SMARCA4: variants seen among roughly 807,000 people sequenced by gnomAD.
SMARCA4 encodes SWI/SNF related BAF chromatin remodeling complex subunit ATPase 4.
SMARCA4 carries 31 observed loss-of-function variants against 193.9 expected under a neutral mutation model. The observed-to-expected ratio is 0.16, with a 90% confidence interval of 0.12 to 0.22. The LOEUF (loss-of-function observed/expected upper bound fraction) is 0.22. Among genes scored for constraint, SMARCA4 ranks in the 10% least tolerant of loss-of-function variants. The probability of loss-of-function intolerance (pLI) is 1.00; values close to 1 mark genes in which losing one functional copy is unlikely to be tolerated. For missense variants in SMARCA4, 1,148 were observed against 2,296.0 expected (o/e 0.50, Z 10.22); for synonymous variants, 942 against 933.1 (o/e 1.01, Z -0.17).
chr19:11,024,523 C>CATCG lies in SMARCA4; in HGVS notation c.3081+86_3081+89dup, dbSNP rs1265634973. On this transcript the variant is annotated intron_variant, in intron 21 of 34. Coordinates refer to ENST00000344626, the MANE Select transcript of SMARCA4 (RefSeq NM_003072.5). The stretch of plus-strand genomic sequence containing the variant: ...CAGGCAGAGCAGAGCGTGCTCTGAC[C>CATCG]ATCGGGTCATGATCTGGTCATGATC... 26 of 843,390 alleles carry CATCG rather than the reference C, an allele frequency of 3.1e-5. No individual in the cohort carries two copies. The East Asian group carries it at 6.6e-4, about 21-fold the overall frequency. 52.2% of individuals were successfully genotyped at this position (843,390 alleles called of 1,614,324 possible). A position where few individuals can be genotyped will look rare whatever the true frequency, so the allele number is the denominator to read the frequency against.
intron 1 of SMARCA4, among the ~76,000 whole-genome samples, chr19:10,972,873 G>A (rs2084792053): frequency 6.6e-6 from 1 of 152,178 alleles, no homozygotes; most frequent in South Asian, 2.1e-4. Flanking sequence ...CACTTTGGGA[G>A]GCCAAAGTGG....
In SMARCA4 at chr19:11,041,408, G is replaced by A. The variant is rs114882905; in HGVS notation, c.4272G>A (p.Pro1424=). 8.3e-4 allele frequency: 1,331 copies of A among 1,612,222 alleles called. 11 individuals carry two copies. In the African/African-American group the frequency reaches 0.016, roughly 19 times the overall value. ...KRDSDAGSST[P]TTSTRSRDKD... is the part of the protein sequence containing the mutation. Reference sequence around the variant, plus strand: ...ACAGCGACGCCGGCTCCTCCACCCCGACCACCAGCACCCGCAGCCGCGACA... The same window carrying A: ...ACAGCGACGCCGGCTCCTCCACCCCAACCACCAGCACCCGCAGCCGCGACA... Residue 1424 remains proline (P), a synonymous_variant, in exon 30 of 35, where the codon CCG becomes CCA. Coordinates refer to ENST00000344626, the MANE Select transcript of SMARCA4 (RefSeq NM_003072.5). This position sits in a 1 kb window ranked among gnomAD's most constrained non-coding sequence, Gnocchi z 5.6.
In SMARCA4 at chr19:11,008,036, G is replaced by T. The variant is rs373148510; in HGVS notation, c.2123+13G>T. ...GGCACATCATTGAGTAAGGGGTCCC[G>T]ACACAGGTTGTTCTGTGCCAGCTTC... On this transcript the variant is annotated intron_variant, in intron 14 of 34. Coordinates refer to ENST00000344626, the MANE Select transcript of SMARCA4 (RefSeq NM_003072.5). 1.9e-6 allele frequency: 3 copies of T among 1,611,004 alleles called. No homozygotes were observed. The highest frequency in any genetic ancestry group is 1.7e-5 in the Admixed American group (1 of 59,760).
At chr19:10,983,746 T>G in intron 1 of SMARCA4, 1 of 250,220 alleles carries the variant, frequency 4.0e-6, no homozygotes, top group Non-Finnish European at 8.0e-6. Flanking sequence ...TCAGAGGCTA[T>G]TTGAGCTATA....
At chr19:11,061,012 A>G (rs2076832270) in intron 34 of SMARCA4, among the ~76,000 whole-genome samples, 1 of 151,812 alleles carries the variant, frequency 6.6e-6, no homozygotes, top group Non-Finnish European at 1.5e-5. Context: ...TTTATGGCCC[A>G]TGCCAGGCTG....
intron 16 of SMARCA4, among the ~76,000 whole-genome samples, chr19:11,013,498 A>G (rs1368522187): frequency 6.6e-6 from 1 of 152,132 alleles, no homozygotes; most frequent in African/African-American, 2.4e-5. Flanking sequence ...GCTGGGGGTC[A>G]GGACTGCTCC....
At position 10,978,747 on chromosome 19, in the gene SMARCA4, T is replaced by A. The variant is rs1599883869; in HGVS notation, c.-31-5374T>A. ...GAGTTCAAGACCAGCCTGGCCAACA[T>A]GGCGAAACCCCGTCTCTACTAAAAA... On this transcript the variant is annotated intron_variant, in intron 1 of 34. Transcript: ENST00000344626. Among the ~76,000 whole-genome samples, 8 of 151,602 alleles carry A rather than the reference T, an allele frequency of 5.3e-5. 1 individual carries two copies. In the South Asian group the frequency reaches 1.7e-3, roughly 32 times the overall value.
At chr19:10,974,521 T>TA (rs780255918) in intron 1 of SMARCA4, among the ~76,000 whole-genome samples, 3 of 150,188 alleles carry the variant, frequency 2.0e-5, no homozygotes, top group Non-Finnish European at 3.0e-5. Context: ...ATGGCTATTG[T>TA]AAAAAATAAA....
At position 10,990,633 on chromosome 19, in the gene SMARCA4, G is replaced by A. The variant is rs372860894; in HGVS notation, c.1246-517G>A. ...TCGCCATGTCGCCCAGGCTAGTCTC[G>A]AACTCCTGAGCTCAAGCCATCCACC... On this transcript the variant is annotated intron_variant, in intron 7 of 34. Transcript: ENST00000344626. 3.3e-5 allele frequency among the ~76,000 whole-genome samples: 5 copies of A among 151,544 alleles called. No homozygotes were observed. The East Asian group carries it at 9.8e-4, about 30-fold the overall frequency.
chr19:11,050,524 T>C (rs953586485), intron 30 of SMARCA4, among the ~76,000 whole-genome samples: 5 of 152,242 alleles, frequency 3.3e-5, no homozygotes, highest in Admixed American at 6.5e-5. Flanking sequence ...GGGCCTGAGC[T>C]GCTGCCTTGC....
At chr19:10,969,346 A>C (rs549635534) in intron 1 of SMARCA4, among the ~76,000 whole-genome samples, 2 of 152,182 alleles carry the variant, frequency 1.3e-5, no homozygotes, top group Non-Finnish European at 2.9e-5. Context: ...CCCTTGGCTC[A>C]AAGGATCTGC....
At chr19:11,020,103 C>T (rs1297652975) in intron 18 of SMARCA4, among the ~76,000 whole-genome samples, 6 of 152,206 alleles carry the variant, frequency 3.9e-5, no homozygotes, top group African/African-American at 1.2e-4. Context: ...TCACCACAGG[C>T]CATGGGCTGA....
chr19:10,962,203 AG>A (rs1255951427), intron 1 of SMARCA4, among the ~76,000 whole-genome samples: 1 of 152,136 alleles, frequency 6.6e-6, no homozygotes, highest in East Asian at 1.9e-4. Flanking sequence ...CCTTTGTGAA[AG>A]GGGGTAATCT....
At chr19:11,025,381 A>C in intron 21 of SMARCA4, 41 bp from the exon 22 acceptor site, 2 of 1,356,186 alleles carry the variant, frequency 1.5e-6, no homozygotes, top group Non-Finnish European at 2.1e-6. Flanking sequence ...CCACCCCAGG[A>C]GGGCAAGACC....
intron 1 of SMARCA4, among the ~76,000 whole-genome samples, chr19:10,976,343 T>C (rs1387903887): frequency 6.6e-6 from 1 of 152,164 alleles, no homozygotes; most frequent in African/African-American, 2.4e-5. Context: ...TCTACAGGGC[T>C]GGCCTCACCC....
chr19:10,971,252 C>G (rs2084648757), intron 1 of SMARCA4, among the ~76,000 whole-genome samples: 1 of 152,124 alleles, frequency 6.6e-6, no homozygotes, highest in African/African-American at 2.4e-5. Flanking sequence ...TCCAGCCACA[C>G]TGGCTGACTT....
chr19:10,983,847 G>C, intron 1 of SMARCA4: 1 of 532,242 alleles, frequency 1.9e-6, no homozygotes, highest in South Asian at 2.1e-5. Context: ...CCGTGATCAG[G>C]AATATGGCAG....
chr19:10,983,107 A>T (rs1280127271), intron 1 of SMARCA4, among the ~76,000 whole-genome samples: 1 of 152,176 alleles, frequency 6.6e-6, no homozygotes, highest in Non-Finnish European at 1.5e-5. Context: ...AATTTCACTG[A>T]GTGTGGGTGC....
chr19:10,999,089 A>G (rs774270972), intron 11 of SMARCA4, among the ~76,000 whole-genome samples: 26 of 151,922 alleles, frequency 1.7e-4, no homozygotes, highest in Non-Finnish European at 3.5e-4. Flanking sequence ...ATTTTTTTGT[A>G]GAGACAGGGT....
Sources: allele counts gnomAD v4.1 joint callset (sites outside exome capture counted in the v4.1 genomes callset), GRCh38; gene constraint gnomAD v4.1.1; non-coding constraint Gnocchi (gnomAD v3.1); transcripts MANE v1.5; gene names NCBI Gene and HGNC (gene_info 2026-07-23, HGNC 2026-07-21).